RCAN2: variants seen among roughly 807,000 people sequenced by gnomAD.
The protein encoded by RCAN2 is calcipressin-2.
RCAN2 carries 9 observed loss-of-function variants against 23.6 expected under a neutral mutation model. That is an observed-to-expected ratio of 0.38 (90% CI 0.23 to 0.67). The LOEUF (loss-of-function observed/expected upper bound fraction) is 0.67, where lower values mean the gene tolerates loss of function less well. Among genes scored for constraint, RCAN2 ranks in the 30% least tolerant of loss-of-function variants. The probability of loss-of-function intolerance (pLI) is 0.51; values close to 1 mark genes in which losing one functional copy is unlikely to be tolerated. For missense variants in RCAN2, 273 were observed against 302.3 expected (o/e 0.90, Z 0.72); for synonymous variants, 109 against 115.7 (o/e 0.94, Z 0.37).
At chr6:46,393,070 A>C (rs1765980689) in intron 2 of RCAN2, among the ~76,000 whole-genome samples, 1 of 152,230 alleles carries the variant, frequency 6.6e-6, no homozygotes, top group African/African-American at 2.4e-5. Context: ...ATTTCCTAAT[A>C]TTGGCCTTAC....
At chr6:46,288,866 C>T (rs1209816511) in intron 2 of RCAN2, among the ~76,000 whole-genome samples, 1 of 152,260 alleles carries the variant, frequency 6.6e-6, no homozygotes, top group Non-Finnish European at 1.5e-5. Context: ...ACTATATCCA[C>T]AGTGCCTAGT....
chr6:46,490,275 A>G (rs976698359), intron 1 of RCAN2, among the ~76,000 whole-genome samples: 11 of 152,206 alleles, frequency 7.2e-5, no homozygotes, highest in African/African-American at 2.7e-4. Flanking sequence ...GTGGGAATGC[A>G]TATTAAAGGA....
At chr6:46,369,325 T>C (rs1050536906) in intron 2 of RCAN2, among the ~76,000 whole-genome samples, 5 of 152,126 alleles carry the variant, frequency 3.3e-5, no homozygotes, top group African/African-American at 9.7e-5. Context: ...GTAATAAGAG[T>C]GCACTCTAAA....
intron 2 of RCAN2, among the ~76,000 whole-genome samples, chr6:46,373,084 G>A (rs1041528344): frequency 1.3e-5 from 2 of 152,072 alleles, no homozygotes; most frequent in African/African-American, 4.8e-5. Flanking sequence ...TACAGTGAGG[G>A]AGCCAGACAA....
At chr6:46,240,944 T>C (rs1766284550) in intron 4 of RCAN2, among the ~76,000 whole-genome samples, 1 of 152,176 alleles carries the variant, frequency 6.6e-6, no homozygotes, top group Non-Finnish European at 1.5e-5. Context: ...AACCCTTCTC[T>C]GCAGTTAACT....
chr6:46,316,819 G>A (rs1338648249), intron 2 of RCAN2, among the ~76,000 whole-genome samples: 2 of 152,228 alleles, frequency 1.3e-5, no homozygotes, highest in South Asian at 4.1e-4. Context: ...CAAAGGCACA[G>A]TAAAGTCATA....
chr6:46,454,370 T>C (rs1020764606), intron 2 of RCAN2, among the ~76,000 whole-genome samples: 11 of 152,038 alleles, frequency 7.2e-5, no homozygotes, highest in African/African-American at 2.4e-4. Context: ...GACTCCCCAC[T>C]TTTTTTTCTG....
chr6:46,294,158 A>T (rs1762648013), intron 2 of RCAN2, among the ~76,000 whole-genome samples: 1 of 152,202 alleles, frequency 6.6e-6, no homozygotes, highest in Non-Finnish European at 1.5e-5. Context: ...TAATAATAAC[A>T]GAATAACCGA....
At chr6:46,463,378 G>A (rs188132779) in intron 1 of RCAN2, among the ~76,000 whole-genome samples, 15 of 152,280 alleles carry the variant, frequency 9.9e-5, no homozygotes, top group East Asian at 7.7e-4. Flanking sequence ...AAGGAGCCAC[G>A]GATCTTTTAA....
chr6:46,478,170 T>C (rs1384719600), intron 1 of RCAN2, among the ~76,000 whole-genome samples: 1 of 152,184 alleles, frequency 6.6e-6, no homozygotes, highest in Non-Finnish European at 1.5e-5. Flanking sequence ...ACTTTAATGA[T>C]GTAAACTAGA....
intron 2 of RCAN2, among the ~76,000 whole-genome samples, chr6:46,328,850 C>T (rs1763873859): frequency 6.6e-6 from 1 of 152,276 alleles, no homozygotes; most frequent in Non-Finnish European, 1.5e-5. Context: ...ACCTCATGAT[C>T]CGCCCACGCT....
intron 2 of RCAN2, among the ~76,000 whole-genome samples, chr6:46,339,189 C>T (rs1764230425): frequency 6.6e-6 from 1 of 151,732 alleles, no homozygotes; most frequent in Admixed American, 6.6e-5. Flanking sequence ...AGTCACTATT[C>T]CTTTAAAGAG....
intron 2 of RCAN2, among the ~76,000 whole-genome samples, chr6:46,271,043 G>A (rs1002902336): frequency 1.6e-4 from 25 of 152,192 alleles, no homozygotes; most frequent in African/African-American, 4.6e-4. Flanking sequence ...GAGAATACAC[G>A]TGTTGTTTTA....
intron 2 of RCAN2, among the ~76,000 whole-genome samples, chr6:46,398,980 G>A (rs1766170756): frequency 6.6e-6 from 1 of 151,392 alleles, no homozygotes; most frequent in Non-Finnish European, 1.5e-5. Context: ...ATTTTGTTTT[G>A]TGTTATACTT....
intron 1 of RCAN2, among the ~76,000 whole-genome samples, chr6:46,487,004 A>G (rs1381271636): frequency 6.6e-6 from 1 of 152,232 alleles, no homozygotes; most frequent in Non-Finnish European, 1.5e-5. Flanking sequence ...GTTGGTAACA[A>G]GTGAAAAGAC....
At chr6:46,351,784 A>G (rs998127206) in intron 2 of RCAN2, among the ~76,000 whole-genome samples, 4 of 152,204 alleles carry the variant, frequency 2.6e-5, no homozygotes, top group African/African-American at 9.7e-5. Flanking sequence ...GTTTATTTTT[A>G]TGACCATGGT....
At chr6:46,379,050 G>A (rs578164330) in intron 2 of RCAN2, among the ~76,000 whole-genome samples, 41 of 152,292 alleles carry the variant, frequency 2.7e-4, no homozygotes, top group Admixed American at 9.8e-4. Context: ...AGCTTTTTAA[G>A]TTTGATATGA....
At chr6:46,280,304 A>G (rs769531452) in intron 2 of RCAN2, among the ~76,000 whole-genome samples, 2 of 152,102 alleles carry the variant, frequency 1.3e-5, no homozygotes, top group Non-Finnish European at 2.9e-5. Context: ...TCCTGAAAAT[A>G]TTTTTTTTAA....
At chr6:46,293,426 T>C in intron 2 of RCAN2, among the ~76,000 whole-genome samples, 1 of 152,174 alleles carries the variant, frequency 6.6e-6, no homozygotes, top group Non-Finnish European at 1.5e-5. Context: ...GTATAGACAT[T>C]AGCTATATGG....
Sources: allele counts gnomAD v4.1 joint callset (sites outside exome capture counted in the v4.1 genomes callset), GRCh38; gene constraint gnomAD v4.1.1; transcripts MANE v1.5; gene names NCBI Gene and HGNC (gene_info 2026-07-23, HGNC 2026-07-21).